The following LOC128125817 variants were observed in gnomAD, a reference collection of about 807,000 sequenced individuals.
chr1:41,611,898 C>A, the LOC128125817 span, among the ~76,000 whole-genome samples: 1 of 152,210 alleles, frequency 6.6e-6, no homozygotes, highest in Non-Finnish European at 1.5e-5. Context: ...GGTCGGCTCA[C>A]CCCAGAGCAC....
chr1:41,597,898 C>T, the LOC128125817 span, among the ~76,000 whole-genome samples: 1 of 152,208 alleles, frequency 6.6e-6, no homozygotes, highest in Non-Finnish European at 1.5e-5. Context: ...ACAAACAAGG[C>T]CCAGATGCTT....
the LOC128125817 span, among the ~76,000 whole-genome samples, chr1:41,592,410 C>G: frequency 6.6e-6 from 1 of 152,184 alleles, no homozygotes; most frequent in African/African-American, 2.4e-5. Context: ...GACAGTGTGG[C>G]CAACTGAAAA....
At chr1:41,603,575 G>T in the LOC128125817 span, among the ~76,000 whole-genome samples, 3 of 151,858 alleles carry the variant, frequency 2.0e-5, no homozygotes, top group Non-Finnish European at 4.4e-5. Context: ...GGCCAAGCTG[G>T]TCTTGAACTC....
chr1:41,586,450 T>C, the LOC128125817 span, among the ~76,000 whole-genome samples: 1 of 152,254 alleles, frequency 6.6e-6, no homozygotes, highest in African/African-American at 2.4e-5. Flanking sequence ...CCAGAGTTTG[T>C]TCCCCAGCCC....
At chr1:41,598,317 G>A in the LOC128125817 span, among the ~76,000 whole-genome samples, 263 of 152,324 alleles carry the variant, frequency 1.7e-3, 3 homozygotes, top group Middle Eastern at 0.024. Flanking sequence ...ACACGTGACT[G>A]TGGCACAAAA....
the LOC128125817 span, among the ~76,000 whole-genome samples, chr1:41,592,717 C>A: frequency 6.6e-6 from 1 of 152,320 alleles, no homozygotes; most frequent in African/African-American, 2.4e-5. Flanking sequence ...CACCAGGCAA[C>A]CTGCAATTGT....
At chr1:41,590,683 T>A in the LOC128125817 span, among the ~76,000 whole-genome samples, 1 of 152,218 alleles carries the variant, frequency 6.6e-6, no homozygotes, top group African/African-American at 2.4e-5. Context: ...TGGAGTGTGA[T>A]GTTGGTGTCT....
At chr1:41,626,000 C>G in the LOC128125817 span, among the ~76,000 whole-genome samples, 2 of 152,208 alleles carry the variant, frequency 1.3e-5, no homozygotes, top group African/African-American at 4.8e-5. Flanking sequence ...TGAGAAATTG[C>G]TTCCATATCC....
the LOC128125817 span, among the ~76,000 whole-genome samples, chr1:41,614,493 G>A: frequency 1.3e-5 from 2 of 152,234 alleles, no homozygotes; most frequent in Non-Finnish European, 2.9e-5. Flanking sequence ...CTCGTAGGAA[G>A]TCCCAACAGG....
the LOC128125817 span, among the ~76,000 whole-genome samples, chr1:41,623,822 C>T: frequency 5.4e-4 from 83 of 152,318 alleles, no homozygotes; most frequent in African/African-American, 1.9e-3. Flanking sequence ...ATTCTCCTGG[C>T]CCCTCGGGTA....
At chr1:41,596,154 C>T in the LOC128125817 span, among the ~76,000 whole-genome samples, 5 of 152,188 alleles carry the variant, frequency 3.3e-5, no homozygotes, top group East Asian at 1.9e-4. Context: ...CCCAGAATGA[C>T]GAGATAAAGT....
chr1:41,597,970 A>G, the LOC128125817 span, among the ~76,000 whole-genome samples: 1 of 152,116 alleles, frequency 6.6e-6, no homozygotes, highest in Non-Finnish European at 1.5e-5. Context: ...CCACCTACCT[A>G]TCTCATTGTT....
the LOC128125817 span, among the ~76,000 whole-genome samples, chr1:41,627,954 G>A: frequency 6.6e-6 from 1 of 151,518 alleles, no homozygotes; most frequent in Non-Finnish European, 1.5e-5. Context: ...CTCTCTGGGT[G>A]ATTCTGGCTC....
At chr1:41,589,923 T>G in the LOC128125817 span, among the ~76,000 whole-genome samples, 1 of 152,230 alleles carries the variant, frequency 6.6e-6, no homozygotes, top group Non-Finnish European at 1.5e-5. Context: ...TCCTATTAAC[T>G]TTAATACCTG....
At chr1:41,599,269 A>C in the LOC128125817 span, among the ~76,000 whole-genome samples, 2 of 152,248 alleles carry the variant, frequency 1.3e-5, no homozygotes. Context: ...GAAATGAATA[A>C]ATGATAGGCC....
the LOC128125817 span, among the ~76,000 whole-genome samples, chr1:41,607,449 T>G: frequency 6.6e-6 from 1 of 152,374 alleles, no homozygotes; most frequent in East Asian, 1.9e-4. Flanking sequence ...GCTATCTTCA[T>G]AGCAACCTGC....
chr1:41,596,463 G>A, the LOC128125817 span, among the ~76,000 whole-genome samples: 1 of 152,196 alleles, frequency 6.6e-6, no homozygotes, highest in Non-Finnish European at 1.5e-5. Context: ...AGCCTGGGAT[G>A]TCTGCCTTGA....
chr1:41,605,375 G>GCACACA, the LOC128125817 span, among the ~76,000 whole-genome samples: 26 of 126,620 alleles, frequency 2.1e-4, no homozygotes, highest in Non-Finnish European at 3.3e-4. Flanking sequence ...ACGCACACGC[G>GCACACA]CACACACACA....
the LOC128125817 span, among the ~76,000 whole-genome samples, chr1:41,594,367 C>T: frequency 6.6e-6 from 1 of 152,014 alleles, no homozygotes; most frequent in Non-Finnish European, 1.5e-5. Context: ...GGATTACAGG[C>T]GTGCACCACC....
Sources: allele counts gnomAD v4.1 joint callset (sites outside exome capture counted in the v4.1 genomes callset), GRCh38; gene constraint gnomAD v4.1.1; transcripts MANE v1.5.